The following NKAIN3 variants were observed in gnomAD, a reference collection of about 807,000 sequenced individuals.
The protein encoded by NKAIN3 is sodium/potassium transporting ATPase interacting 3.
NKAIN3 carries 25 observed loss-of-function variants against 30.2 expected under a neutral mutation model. The observed-to-expected ratio is 0.83, with a 90% CI of 0.60 to 1.16. The LOEUF (loss-of-function observed/expected upper bound fraction) is 1.16, where lower values mean the gene tolerates loss of function less well. NKAIN3 is among the 50% of genes most tolerant of loss of function. The pLI is 0.00. For missense variants in NKAIN3, 225 were observed against 254.1 expected, an observed-to-expected ratio of 0.89 and a Z score of 0.78; for synonymous variants, 91 against 89.6, an observed-to-expected ratio of 1.02 and a Z score of -0.09.
chr8:62,952,131 A>G (rs963036768), intron 5 of NKAIN3, among the ~76,000 whole-genome samples: 1 of 152,192 alleles, frequency 6.6e-6, no homozygotes, highest in African/African-American at 2.4e-5. Flanking sequence ...CATTCTGTCC[A>G]AGGTAAAACT....
At chr8:62,300,216 A>C (rs535562389) in intron 1 of NKAIN3, among the ~76,000 whole-genome samples, 10 of 152,202 alleles carry the variant, frequency 6.6e-5, no homozygotes, top group African/African-American at 2.2e-4. Flanking sequence ...CCACGGGATA[A>C]CAATGAAAAA....
At chr8:62,522,757 A>T (rs1808196280) in intron 1 of NKAIN3, among the ~76,000 whole-genome samples, 1 of 151,838 alleles carries the variant, frequency 6.6e-6, no homozygotes, top group Non-Finnish European at 1.5e-5. Context: ...ATAATATTTC[A>T]TATTAATAAT....
At chr8:62,796,421 T>G (rs1376275733) in intron 4 of NKAIN3, among the ~76,000 whole-genome samples, 1 of 113,222 alleles carries the variant, frequency 8.8e-6, no homozygotes, top group Admixed American at 1.1e-4. Context: ...AAGTCAGCAA[T>G]GAATGCTAGA....
intron 4 of NKAIN3, chr8:62,864,109 G>A: frequency 1.6e-6 from 1 of 631,944 alleles, no homozygotes; most frequent in Non-Finnish European, 2.8e-6. Flanking sequence ...GGGCTACAGG[G>A]GCTTCGCGGA....
At position 62,585,939 on chromosome 8, in the gene NKAIN3, TA is replaced by T. The variant is rs1342635143; in HGVS notation, c.193-3772del. On this transcript the variant is annotated intron_variant, in intron 2 of 6. Coordinates refer to ENST00000623646, the MANE Select transcript of NKAIN3 (RefSeq NM_001304533.3). Reference sequence around the variant, plus strand: ...ATAAGATTTTTGTCCTATAATTACTTAAATCTTCATTATTTCATGGGTGATA... The same window carrying T: ...ATAAGATTTTTGTCCTATAATTACTTAATCTTCATTATTTCATGGGTGATA... Among the ~76,000 whole-genome samples the T allele has an allele frequency of 6.0e-4, 91 of 152,326 alleles. 1 individual carries two copies. The highest frequency in any genetic ancestry group is 2.1e-3 in the African/African-American group (87 of 41,580).
chr8:62,908,090 C>T (rs561881283), intron 4 of NKAIN3, among the ~76,000 whole-genome samples: 1 of 152,206 alleles, frequency 6.6e-6, no homozygotes, highest in Non-Finnish European at 1.5e-5. Context: ...ACCATGGGAA[C>T]CCCCTCCCTT....
chr8:62,591,074 C>G (rs915083358), intron 3 of NKAIN3, among the ~76,000 whole-genome samples: 2 of 151,988 alleles, frequency 1.3e-5, no homozygotes, highest in Non-Finnish European at 2.9e-5. Context: ...AAAATAATTG[C>G]AAATAATATA....
intron 1 of NKAIN3, among the ~76,000 whole-genome samples, chr8:62,290,556 A>T (rs1316214842): frequency 6.6e-6 from 1 of 152,172 alleles, no homozygotes; most frequent in Non-Finnish European, 1.5e-5. Flanking sequence ...TGATTTGCAT[A>T]TGTTGAACCA....
At chr8:62,898,258 G>A (rs1244116540) in intron 4 of NKAIN3, among the ~76,000 whole-genome samples, 1 of 151,974 alleles carries the variant, frequency 6.6e-6, no homozygotes, top group East Asian at 1.9e-4. Flanking sequence ...AAAGACACAA[G>A]CATGCATATT....
intron 4 of NKAIN3, among the ~76,000 whole-genome samples, chr8:62,822,425 G>T (rs754904513): frequency 6.6e-6 from 1 of 152,060 alleles, no homozygotes; most frequent in Admixed American, 6.6e-5. Flanking sequence ...AGTCTGACCC[G>T]CATGTACATA....
chr8:62,891,913 A>G (rs534630393), intron 4 of NKAIN3, among the ~76,000 whole-genome samples: 1 of 152,114 alleles, frequency 6.6e-6, no homozygotes, highest in African/African-American at 2.4e-5. Flanking sequence ...TGATGAGACT[A>G]AAGTAGGGAT....
chr8:62,249,270 C>A (rs5020321), intron 1 of NKAIN3, 143 bp downstream of exon 1: 417,073 of 679,476 alleles, frequency 0.61, 129,928 homozygotes, highest in Non-Finnish European at 0.63. Flanking sequence ...CTCCCCACCG[C>A]CTGGCTGGGC....
chr8:62,304,756 T>C (rs1814168638), intron 1 of NKAIN3, among the ~76,000 whole-genome samples: 1 of 150,356 alleles, frequency 6.7e-6, no homozygotes, highest in Non-Finnish European at 1.5e-5. Flanking sequence ...GAAAATCTTC[T>C]GATGGAACTC....
intron 5 of NKAIN3, among the ~76,000 whole-genome samples, chr8:62,992,455 A>G (rs1824340648): frequency 6.6e-6 from 1 of 152,076 alleles, no homozygotes; most frequent in African/African-American, 2.4e-5. Flanking sequence ...GAAACTTCCC[A>G]GGGCCTGAGT....
At chr8:62,545,486 T>C (rs1808974966) in intron 1 of NKAIN3, among the ~76,000 whole-genome samples, 1 of 152,148 alleles carries the variant, frequency 6.6e-6, no homozygotes, top group Admixed American at 6.6e-5. Context: ...GGAGAATTAC[T>C]TGAACCTGGG....
chr8:62,898,454 A>G (rs1947482), intron 4 of NKAIN3, among the ~76,000 whole-genome samples: 47,213 of 151,982 alleles, frequency 0.31, 8,122 homozygotes, highest in East Asian at 0.69. Context: ...AAAGTAATTC[A>G]GGAGTGAAAA....
chr8:62,617,906 C>G lies in NKAIN3; in HGVS notation c.273+28112C>G, dbSNP rs182508713. Among the ~76,000 whole-genome samples, 6 of 152,340 alleles carry G rather than the reference C, an allele frequency of 3.9e-5. No individual in the cohort carries two copies. In the East Asian group the frequency reaches 1.2e-3, roughly 29 times the overall value. On this transcript the variant is annotated intron_variant, in intron 3 of 6. Coordinates refer to ENST00000623646, the MANE Select transcript of NKAIN3 (RefSeq NM_001304533.3). ...GAGAGATTTATGACTAAACAATACT[C>G]TCTTTGAGTAGTTGACACCAGAACT...
At chr8:62,406,459 C>G (rs1219680422) in intron 1 of NKAIN3, among the ~76,000 whole-genome samples, 2 of 151,992 alleles carry the variant, frequency 1.3e-5, no homozygotes, top group African/African-American at 4.8e-5. Context: ...TTTTATGAGT[C>G]TTTTCTTTCT....
At chr8:62,627,429 A>T (rs1429907577) in intron 3 of NKAIN3, among the ~76,000 whole-genome samples, 1 of 152,008 alleles carries the variant, frequency 6.6e-6, no homozygotes, top group African/African-American at 2.4e-5. Flanking sequence ...GGGACCAGGG[A>T]TGGTGGGTGA....
Sources: allele counts gnomAD v4.1 joint callset (sites outside exome capture counted in the v4.1 genomes callset), GRCh38; gene constraint gnomAD v4.1.1; transcripts MANE v1.5; gene names NCBI Gene and HGNC (gene_info 2026-07-23, HGNC 2026-07-21).